Variants in LAMC1 observed in about 807,000 individuals in gnomAD.
LAMC1 encodes the protein laminin subunit gamma 1, also known as laminin subunit gamma-1.
Under a neutral mutation model 173.6 loss-of-function variants are expected in LAMC1, and 38 were observed. That is an observed-to-expected ratio of 0.22 (90% confidence interval 0.17 to 0.29). LAMC1 has a LOEUF of 0.29. Ranked by LOEUF, LAMC1 falls within the 10% of genes least tolerant of loss-of-function variation. The pLI, the probability that LAMC1 is intolerant of heterozygous loss-of-function variation, is 1.00. For synonymous variants in LAMC1, 746 were observed against 749.1 expected (o/e 1.00, Z 0.07); for missense variants, 1,824 against 2,051.8 (o/e 0.89, Z 2.14).
At chr1:183,114,177 C>A (rs942103559) in intron 4 of LAMC1, among the ~76,000 whole-genome samples, 2 of 152,214 alleles carry the variant, frequency 1.3e-5, no homozygotes, top group Non-Finnish European at 2.9e-5. Context: ...TCAAGCGATT[C>A]TCTTGCCTCA....
intron 1 of LAMC1, among the ~76,000 whole-genome samples, chr1:183,092,367 G>A (rs1168808285): frequency 6.6e-6 from 1 of 151,758 alleles, no homozygotes; most frequent in African/African-American, 2.4e-5. Flanking sequence ...AAAATACAGA[G>A]TCTGGGGACA....
chr1:183,082,829 A>G lies in LAMC1; in HGVS notation c.419-20499A>G, dbSNP rs535480899. The stretch of plus-strand genomic sequence containing the variant: ...CCCAGTGCTGGGAGTCAAAGTTAGA[A>G]CTGTGACTTTGGACATTGCTCTTTA... On this transcript the variant is annotated intron_variant, in intron 1 of 27. Coordinates refer to ENST00000258341, the MANE Select transcript of LAMC1 (RefSeq NM_002293.4). Among the ~76,000 whole-genome samples, 41 of 152,266 alleles carry G rather than the reference A, an allele frequency of 2.7e-4. 1 individual carries two copies. In the South Asian group the frequency reaches 8.5e-3, roughly 32 times the overall value.
intron 20 of LAMC1, among the ~76,000 whole-genome samples, chr1:183,131,630 T>C (rs1430305716): frequency 6.6e-6 from 1 of 152,192 alleles, no homozygotes; most frequent in Non-Finnish European, 1.5e-5. Context: ...CAAATCATAT[T>C]TATATTTCTC....
intron 21 of LAMC1, among the ~76,000 whole-genome samples, chr1:183,133,172 A>G (rs963440934): frequency 6.6e-6 from 1 of 152,148 alleles, no homozygotes; most frequent in Non-Finnish European, 1.5e-5. Flanking sequence ...CAGCCTCCCA[A>G]AGTGCTGGGA....
At chr1:183,091,162 A>G (rs1655557300) in intron 1 of LAMC1, among the ~76,000 whole-genome samples, 1 of 152,084 alleles carries the variant, frequency 6.6e-6, no homozygotes, top group Admixed American at 6.5e-5. Context: ...TCCTTGGACA[A>G]AATTTTAAAA....
In LAMC1 at chr1:183,023,921, T is replaced by C; in HGVS notation, c.205T>C (p.Cys69Arg). ...CGTGACTGTGGTGGCCACCAACACG[T>C]GTGGGACTCCGCCCGAGGAATACTG... ...FNVTVVATNT[C>R]GTPPEEYCVQ... The change falls in exon 1 of 28, where the codon TGT (cysteine) becomes CGT (arginine). Residue 69 changes from cysteine (C) to arginine (R), a missense_variant. By Grantham distance (180) the Cys-to-Arg change is radical. Coordinates refer to ENST00000258341, the MANE Select transcript of LAMC1 (RefSeq NM_002293.4). 6.2e-7 allele frequency: 1 copy of C among 1,613,200 alleles called. No individual in the cohort carries two copies. The highest frequency in any genetic ancestry group is 8.5e-7 in the Non-Finnish European group (1 of 1,179,928).
intron 17 of LAMC1, 58 bp from the exon 18 acceptor site, chr1:183,128,536 G>T: frequency 6.9e-7 from 1 of 1,449,070 alleles, no homozygotes; most frequent in Non-Finnish European, 9.4e-7. Flanking sequence ...GTGTGATTGA[G>T]TTCTTCAGGA....
intron 2 of LAMC1, among the ~76,000 whole-genome samples, chr1:183,105,245 AAGAAAG>A (rs779471261): frequency 1.0e-4 from 11 of 107,996 alleles, no homozygotes; most frequent in South Asian, 3.4e-4. Flanking sequence ...AAAAAAAAAA[AAGAAAG>A]AAAGAAAAGA....
intron 11 of LAMC1, among the ~76,000 whole-genome samples, chr1:183,118,373 T>TA (rs1656379633): frequency 6.6e-6 from 1 of 152,206 alleles, no homozygotes; most frequent in Non-Finnish European, 1.5e-5. Flanking sequence ...AATTGATTAC[T>TA]CAATTGATCA....
chr1:183,135,187 G>T, intron 24 of LAMC1, 31 bp downstream of exon 24: 1 of 1,357,350 alleles, frequency 7.4e-7, no homozygotes, highest in Non-Finnish European at 1.0e-6. Flanking sequence ...AGGGGCAAAT[G>T]CTTCCGCCAC....
intron 17 of LAMC1, 108 bp from the exon 18 acceptor site, chr1:183,128,486 G>A (rs1158583395): frequency 3.5e-5 from 22 of 631,674 alleles, no homozygotes; most frequent in South Asian, 1.0e-4. Context: ...AAAAAAAAAA[G>A]AACTACATAT....
chr1:183,115,505 C>T lies in LAMC1; in HGVS notation c.1211-15C>T. On this transcript the variant is annotated splice_polypyrimidine_tract_variant and intron_variant, in intron 5 of 27. Transcript: ENST00000258341. ...GGCCGAATTTTTGTTTGACAATAGG[C>T]ATTTTACATTTTAGGCTCTCTAAGC... is the stretch of plus-strand genomic sequence containing the variant. 2 of 1,570,486 alleles carry T rather than the reference C, an allele frequency of 1.3e-6. No homozygotes were observed. The highest frequency in any genetic ancestry group is 1.8e-6 in the Non-Finnish European group (2 of 1,141,108).
intron 1 of LAMC1, among the ~76,000 whole-genome samples, chr1:183,049,630 A>T (rs542352479): frequency 1.3e-5 from 2 of 152,046 alleles, no homozygotes; most frequent in East Asian, 1.9e-4. Context: ...TGCCCAGCTC[A>T]TTTTTGTAAT....
At chr1:183,027,157 C>G (rs1048641452) in intron 1 of LAMC1, among the ~76,000 whole-genome samples, 1 of 152,160 alleles carries the variant, frequency 6.6e-6, no homozygotes, top group Non-Finnish European at 1.5e-5. Context: ...GAAAACAGCG[C>G]TCTCTTAAGC....
chr1:183,048,611 A>G (rs1654329272), intron 1 of LAMC1, among the ~76,000 whole-genome samples: 1 of 152,168 alleles, frequency 6.6e-6, no homozygotes, highest in African/African-American at 2.4e-5. Context: ...CTTCTGCTTT[A>G]TGTTATAGTT....
At chr1:183,077,457 G>A (rs1558040597) in intron 1 of LAMC1, among the ~76,000 whole-genome samples, 1 of 151,942 alleles carries the variant, frequency 6.6e-6, no homozygotes, top group Non-Finnish European at 1.5e-5. Flanking sequence ...GTGGTGTTTG[G>A]TTACATGAAT....
intron 1 of LAMC1, among the ~76,000 whole-genome samples, chr1:183,071,715 G>C (rs577870614): frequency 2.0e-5 from 3 of 152,078 alleles, no homozygotes; most frequent in African/African-American, 7.2e-5. Context: ...CCCCATTTCT[G>C]TCCTTTTTAT....
chr1:183,124,804 T>C lies in LAMC1; in HGVS notation c.2575T>C (p.Phe859Leu), dbSNP rs749272716. The change falls in exon 14 of 28, where the codon TTC becomes CTC. Residue 859 changes from phenylalanine (F) to leucine (L), a missense_variant. Coordinates refer to ENST00000258341, the MANE Select transcript of LAMC1 (RefSeq NM_002293.4). ...GAAGTGCATCTATAACACTGCTGGCTTCTATTGTGACCGGTGCAAAGACGG... is the reference window on the plus strand; with the variant it reads ...GAAGTGCATCTATAACACTGCTGGCCTCTATTGTGACCGGTGCAAAGACGG... ...CLKCIYNTAG[F>L]YCDRCKDGFF... 2.0e-5 allele frequency: 33 copies of C among 1,614,070 alleles called. No homozygotes were observed. In the South Asian group the frequency reaches 3.6e-4, roughly 18 times the overall value.
chr1:183,049,345 T>C (rs1454801092), intron 1 of LAMC1, among the ~76,000 whole-genome samples: 2 of 152,232 alleles, frequency 1.3e-5, no homozygotes, highest in African/African-American at 2.4e-5. Flanking sequence ...AAAAATTGTA[T>C]AATTGTGGTA....
Sources: gnomAD v4.1 joint callset for allele counts (sites outside exome capture counted in the v4.1 genomes callset) on GRCh38, gnomAD v4.1.1 for gene constraint, MANE v1.5 for transcripts, NCBI Gene and HGNC (gene_info 2026-07-23, HGNC 2026-07-21) for gene names.